The following SEPTIN9 variants were observed in gnomAD, a reference collection of about 807,000 sequenced individuals.
The protein encoded by SEPTIN9 is septin 9.
Under a neutral mutation model 56.6 loss-of-function variants are expected in SEPTIN9, and 13 were observed. The ratio of observed to expected loss-of-function variants is 0.23; its 90% CI spans 0.15 to 0.37. The LOEUF is 0.37. Ranked by LOEUF, SEPTIN9 falls within the 10% of genes least tolerant of loss-of-function variation. SEPTIN9 has a pLI of 1.00. For synonymous variants in SEPTIN9, 332 were observed against 334.1 expected (o/e 0.99, Z 0.07); for missense variants, 650 against 823.1 (o/e 0.79, Z 2.57).
At chr17:77,308,205 A>T (rs1456363923) in intron 2 of SEPTIN9, among the ~76,000 whole-genome samples, 1 of 152,236 alleles carries the variant, frequency 6.6e-6, no homozygotes, top group African/African-American at 2.4e-5. Flanking sequence ...GGCTGCCATC[A>T]TGGTGGCAGA....
At chr17:77,452,255 C>G (rs1407989837) in intron 3 of SEPTIN9, among the ~76,000 whole-genome samples, 2 of 152,222 alleles carry the variant, frequency 1.3e-5, no homozygotes, top group African/African-American at 4.8e-5. Flanking sequence ...AACGGACCTG[C>G]TTTCAGAGGG....
At chr17:77,489,759 G>A (rs1193803008) in intron 7 of SEPTIN9, among the ~76,000 whole-genome samples, 2 of 152,176 alleles carry the variant, frequency 1.3e-5, no homozygotes, top group Non-Finnish European at 2.9e-5. Flanking sequence ...CGGAGTTTTC[G>A]AGCCCACCCT....
rs1438840857 is a variant in SEPTIN9, at chr17:77,433,591, G to T, written c.721+30888G>T. On this transcript the variant is annotated intron_variant, in intron 3 of 11. Coordinates refer to ENST00000427177, the MANE Select transcript of SEPTIN9 (RefSeq NM_001113491.2). This position sits in a 1 kb window ranked among gnomAD's most constrained non-coding sequence, Gnocchi z 6.4. ...AAATAGCAGCATCGTCCCCCTCACTGTCCTGGCTTGCTTTCAATAGGCCAG... is the reference window on the plus strand; with the variant it reads ...AAATAGCAGCATCGTCCCCCTCACTTTCCTGGCTTGCTTTCAATAGGCCAG... 6.6e-6 allele frequency among the ~76,000 whole-genome samples: 1 copy of T among 151,944 alleles called. No homozygotes were observed. The highest frequency in any genetic ancestry group is 1.5e-5 in the Non-Finnish European group (1 of 67,964).
intron 3 of SEPTIN9, among the ~76,000 whole-genome samples, chr17:77,465,805 A>C (rs1027474175): frequency 6.6e-6 from 1 of 152,080 alleles, no homozygotes; most frequent in African/African-American, 2.4e-5. Flanking sequence ...AGCTAGTTGC[A>C]GCGTGAGAGA....
intron 3 of SEPTIN9, among the ~76,000 whole-genome samples, chr17:77,432,173 A>T (rs984920826): frequency 2.6e-5 from 4 of 152,232 alleles, no homozygotes; most frequent in African/African-American, 9.6e-5. Context: ...TCCTGGCAGC[A>T]TGACCTTAGC....
chr17:77,352,241 C>T (rs956927232), intron 2 of SEPTIN9, among the ~76,000 whole-genome samples: 1 of 136,688 alleles, frequency 7.3e-6, no homozygotes, highest in Non-Finnish European at 1.6e-5. Flanking sequence ...ACTAAAAATA[C>T]AAAAAAAAAA....
At chr17:77,432,118 C>T (rs971702545) in intron 3 of SEPTIN9, among the ~76,000 whole-genome samples, 2 of 152,172 alleles carry the variant, frequency 1.3e-5, no homozygotes, top group African/African-American at 4.8e-5. Flanking sequence ...GCCGTGTGAA[C>T]CAGAGCCCGG....
rs116742569 is a variant in SEPTIN9, at chr17:77,479,476, G to A, written c.722-2668G>A. 8.8e-3 allele frequency among the ~76,000 whole-genome samples: 1,335 copies of A among 152,378 alleles called. 13 individuals are homozygous for A. The highest frequency in any genetic ancestry group is 0.03 in the African/African-American group (1,244 of 41,588). On this transcript the variant is annotated intron_variant, in intron 3 of 11. Transcript: ENST00000427177. ...GCCGGGGCCTGCAAGGCCGCCTCTCGAGGGAGGGGTTGCAGGAATGGCTCT... is the reference window on the plus strand; with the variant it reads ...GCCGGGGCCTGCAAGGCCGCCTCTCAAGGGAGGGGTTGCAGGAATGGCTCT...
At chr17:77,350,437 T>C (rs1173504901) in intron 2 of SEPTIN9, among the ~76,000 whole-genome samples, 1 of 152,198 alleles carries the variant, frequency 6.6e-6, no homozygotes, top group African/African-American at 2.4e-5. Context: ...CACTGTTTGC[T>C]GGGGCCTTTC....
Position 77,475,781 on chromosome 17 carries a change from C to T in SEPTIN9, c.722-6363C>T, listed in dbSNP as rs2039187878. 1.2e-6 allele frequency: 2 copies of T among 1,613,182 alleles called. No homozygotes were observed. The highest frequency in any genetic ancestry group is 2.2e-5 in the East Asian group (1 of 44,894). On this transcript the variant is annotated intron_variant, in intron 3 of 11. Transcript: ENST00000427177. The surrounding 1 kb of genome is among the most constrained non-coding windows in gnomAD (Gnocchi z 4.6). The stretch of plus-strand genomic sequence containing the variant: ...CCTGGACACGGGCCTGGAAGGCTGA[C>T]AGGGTGTGGTGAGTGCCACCGGCTC...
rs960180070 is a variant in SEPTIN9 at position 77,327,340 on chromosome 17, C to G, written c.76+20143C>G. 3.9e-5 allele frequency among the ~76,000 whole-genome samples: 6 copies of G among 152,170 alleles called. No individual in the cohort carries two copies. The highest frequency in any genetic ancestry group is 1.4e-4 in the African/African-American group (6 of 41,432). On this transcript the variant is annotated intron_variant, in intron 2 of 11. Transcript: ENST00000427177. This position sits in a 1 kb window ranked among gnomAD's most constrained non-coding sequence, Gnocchi z 5.0. ...CTCTTGCTCTGGGCACCCCCCCACT[C>G]CGAACGGCCAGAGCTTCTGAAGCCG...
Position 77,307,208 on chromosome 17 carries a change from C to A in SEPTIN9, c.76+11C>A. On this transcript the variant is annotated intron_variant, in intron 2 of 11. Coordinates refer to ENST00000427177, the MANE Select transcript of SEPTIN9 (RefSeq NM_001113491.2). ...ACTCCAGTGGCCCAGGTAGGTGGCTCGCTCCGCTCTGGCCCCACCCAGCTC... is the reference window on the plus strand; with the variant it reads ...ACTCCAGTGGCCCAGGTAGGTGGCTAGCTCCGCTCTGGCCCCACCCAGCTC... 6.2e-7 allele frequency: 1 copy of A among 1,612,760 alleles called. No homozygotes were observed. Among genetic ancestry groups the A allele is most frequent in the Non-Finnish European group, 8.5e-7 (1 of 1,179,040 alleles).
intron 2 of SEPTIN9, 79 bp from the exon 3 acceptor site, chr17:77,401,980 C>G: frequency 1.4e-6 from 2 of 1,469,466 alleles, no homozygotes; most frequent in South Asian, 2.6e-5. Flanking sequence ...CCTTCCTCTG[C>G]TGCTCCTTAG....
Position 77,307,420 on chromosome 17 carries a change from G to A in SEPTIN9, c.76+223G>A, listed in dbSNP as rs72880527. On this transcript the variant is annotated intron_variant, in intron 2 of 11. Transcript: ENST00000427177. Reference sequence around the variant, plus strand: ...GGAGATGATCCTTGTGGGGGCAGGGGCAGCCACCCCCAGGCTCAGGGAGCA... The same window carrying A: ...GGAGATGATCCTTGTGGGGGCAGGGACAGCCACCCCCAGGCTCAGGGAGCA... Among the ~76,000 whole-genome samples the A allele has an allele frequency of 0.069, 10,499 of 152,294 alleles. 544 individuals carry two copies. The highest frequency in any genetic ancestry group is 0.13 in the African/African-American group (5,589 of 41,534).
intron 10 of SEPTIN9, among the ~76,000 whole-genome samples, chr17:77,493,525 A>G (rs1279472191): frequency 1.3e-5 from 2 of 152,148 alleles, no homozygotes; most frequent in African/African-American, 2.4e-5. Context: ...GTTGTAACCA[A>G]TTAGCACAAA....
chr17:77,434,029 G>A lies in SEPTIN9; in HGVS notation c.721+31326G>A, dbSNP rs937847690. On this transcript the variant is annotated intron_variant, in intron 3 of 11. Coordinates refer to ENST00000427177, the MANE Select transcript of SEPTIN9 (RefSeq NM_001113491.2). This position sits in a 1 kb window ranked among gnomAD's most constrained non-coding sequence, Gnocchi z 5.0. The stretch of plus-strand genomic sequence containing the variant: ...TGTGTGAGTCTGGCGTGTTAGAAGC[G>A]CTAAGCTGCAGCTGTTCTGTGCGTT... Among the ~76,000 whole-genome samples, 2 of 152,208 alleles carry A rather than the reference G, an allele frequency of 1.3e-5. No homozygotes were observed. The highest frequency in any genetic ancestry group is 4.8e-5 in the African/African-American group (2 of 41,454).
rs1048351293 is a variant in SEPTIN9 at position 77,436,359 on chromosome 17, G to A, written c.721+33656G>A. ...CTTCTGCAGCCCAGCTGTTCAGAGC[G>A]GATCCAGAAGGTGGAGAGAGGGTTT... On this transcript the variant is annotated intron_variant, in intron 3 of 11. Transcript: ENST00000427177. The surrounding 1 kb of genome is among the most constrained non-coding windows in gnomAD (Gnocchi z 4.4). Among the ~76,000 whole-genome samples, 20 of 152,236 alleles carry A rather than the reference G, an allele frequency of 1.3e-4. No individual in the cohort carries two copies. Among genetic ancestry groups the A allele is most frequent in the African/African-American group, 4.6e-4 (19 of 41,458 alleles).
At chr17:77,381,134 G>T (rs968779174) in intron 2 of SEPTIN9, among the ~76,000 whole-genome samples, 4 of 152,188 alleles carry the variant, frequency 2.6e-5, no homozygotes, top group Non-Finnish European at 2.9e-5. Context: ...CCTCCTTGTG[G>T]GACCCCTTGG....
intron 3 of SEPTIN9, among the ~76,000 whole-genome samples, chr17:77,420,656 T>C (rs1209209093): frequency 6.6e-6 from 1 of 152,090 alleles, no homozygotes; most frequent in Non-Finnish European, 1.5e-5. Context: ...CTGCCCCTGC[T>C]CCTCTGTCCC....
Sources: gnomAD v4.1 joint callset for allele counts (sites outside exome capture counted in the v4.1 genomes callset) on GRCh38, gnomAD v4.1.1 for gene constraint, Gnocchi (gnomAD v3.1) non-coding constraint, MANE v1.5 for transcripts, NCBI Gene and HGNC (gene_info 2026-07-23, HGNC 2026-07-21) for gene names.